Variants in BRAP observed in about 807,000 individuals in gnomAD.
The protein encoded by BRAP is BRCA1-associated protein.
In BRAP, 42 loss-of-function variants were observed where a neutral mutation model predicts 73.4. The observed-to-expected ratio is 0.57, with a 90% CI of 0.45 to 0.74. BRAP has a LOEUF of 0.74. BRAP is among the 30% of genes least tolerant of loss of function. BRAP has a pLI of 0.00. For synonymous variants in BRAP, 255 were observed against 267.4 expected, an observed-to-expected ratio of 0.95 and a Z score of 0.45; for missense variants, 593 against 751.4, an observed-to-expected ratio of 0.79 and a Z score of 2.46.
Position 111,679,175 on chromosome 12 carries a change from C to A in BRAP, c.609G>T (p.Met203Ile), listed in dbSNP as rs1306444451. The part of the protein sequence containing the change: ...IIRDSTPNQY[M>I]VLIKFRAQAD... ...CCTGTGCACGAAACTTTATCAGCAC[C>A]ATATATTGGTTGGGAGTAGAGTCTC... The change falls in exon 4 of 12, where the codon ATG (methionine) becomes ATT (isoleucine). Residue 203 changes from methionine to isoleucine, a missense_variant. Met to Ile is a conservative substitution (Grantham distance 10, BLOSUM62 1). Transcript: ENST00000419234. 3 of 1,581,914 alleles carry A rather than the reference C, an allele frequency of 1.9e-6. No homozygotes were observed. Among genetic ancestry groups the A allele is most frequent in the Non-Finnish European group, 1.7e-6 (2 of 1,163,668 alleles).
At chr12:111,674,262 A>G (rs1887291701) in intron 4 of BRAP, among the ~76,000 whole-genome samples, 1 of 150,042 alleles carries the variant, frequency 6.7e-6, no homozygotes, top group South Asian at 2.1e-4. Context: ...TTTTTTTTTG[A>G]GATGGTGTCT....
At chr12:111,653,478 C>T in intron 10 of BRAP, among the ~76,000 whole-genome samples, 1 of 152,124 alleles carries the variant, frequency 6.6e-6, no homozygotes, top group Non-Finnish European at 1.5e-5. Flanking sequence ...ACCATGTGTT[C>T]CTCATACATG....
chr12:111,657,602 G>A (rs955842692), intron 9 of BRAP, among the ~76,000 whole-genome samples: 12 of 152,088 alleles, frequency 7.9e-5, no homozygotes, highest in African/African-American at 1.4e-4. Flanking sequence ...ACTCGTGGCC[G>A]GGTACGGTGG....
Position 111,665,517 on chromosome 12 carries a change from G to C in BRAP, c.896+122C>G. 2 of 1,372,790 alleles carry C rather than the reference G, an allele frequency of 1.5e-6. No individual in the cohort carries two copies. Among genetic ancestry groups the C allele is most frequent in the Non-Finnish European group, 2.0e-6 (2 of 1,015,576 alleles). The allele number at this position is 1,372,790 out of a possible 1,614,324, so 85.0% of individuals were successfully genotyped here. ...TCCCTGAACTTAGGAAAGGGAAGGA[G>C]AAAAAGGACCTCTTGAATAAAGTCA... On this transcript the variant is annotated intron_variant, in intron 6 of 11. Coordinates refer to ENST00000419234, the MANE Select transcript of BRAP (RefSeq NM_006768.5). The surrounding 1 kb of genome is among the most constrained non-coding windows in gnomAD (Gnocchi z 4.3).
intron 1 of BRAP, chr12:111,685,499 A>G: frequency 2.5e-6 from 3 of 1,184,896 alleles, no homozygotes; most frequent in Non-Finnish European, 3.3e-6. Context: ...CAGACGGCAC[A>G]GGGAGGGAGG....
chr12:111,676,962 C>T (rs1312806466), intron 4 of BRAP, among the ~76,000 whole-genome samples: 1 of 152,128 alleles, frequency 6.6e-6, no homozygotes, highest in Non-Finnish European at 1.5e-5. Flanking sequence ...ACTCATGATA[C>T]CAAGATAAAG....
chr12:111,658,149 T>C (rs892494076), intron 9 of BRAP, among the ~76,000 whole-genome samples: 15 of 151,826 alleles, frequency 9.9e-5, no homozygotes, highest in African/African-American at 3.6e-4. Flanking sequence ...AGGTTGGTCT[T>C]GAACTCCTGA....
intron 4 of BRAP, among the ~76,000 whole-genome samples, chr12:111,677,320 G>C (rs78980768): frequency 2.0e-5 from 3 of 152,138 alleles, no homozygotes; most frequent in African/African-American, 7.2e-5. Context: ...AGTAGAAACT[G>C]TAACAATACT....
At chr12:111,671,086 T>A (rs1566123691) in intron 5 of BRAP, among the ~76,000 whole-genome samples, 2 of 149,094 alleles carry the variant, frequency 1.3e-5, no homozygotes, top group African/African-American at 5.0e-5. Context: ...GGTGACAGAG[T>A]GAGACTCATG....
At chr12:111,685,483 T>C in intron 1 of BRAP, 1 of 1,033,536 alleles carries the variant, frequency 9.7e-7, no homozygotes, top group South Asian at 2.5e-5. Context: ...ATAAACTAAA[T>C]GCCCTCAGAC....
At chr12:111,655,816 A>G (rs1483151312) in intron 9 of BRAP, among the ~76,000 whole-genome samples, 161 bp from the exon 10 acceptor site, 1 of 152,230 alleles carries the variant, frequency 6.6e-6, no homozygotes, top group Admixed American at 6.5e-5. Flanking sequence ...ATACTGGACC[A>G]GGGGACACAA....
At chr12:111,661,139 C>T (rs1036108562) in intron 6 of BRAP, among the ~76,000 whole-genome samples, 2 of 151,566 alleles carry the variant, frequency 1.3e-5, no homozygotes, top group Non-Finnish European at 2.9e-5. Flanking sequence ...ACCACCACAC[C>T]CAGCTAATTA....
chr12:111,656,056 A>G, intron 9 of BRAP, among the ~76,000 whole-genome samples: 1 of 152,200 alleles, frequency 6.6e-6, no homozygotes, highest in East Asian at 1.9e-4. Flanking sequence ...CACTGTGCCT[A>G]TCAGTAACAG....
At chr12:111,656,317 T>C (rs960503837) in intron 9 of BRAP, among the ~76,000 whole-genome samples, 7 of 152,310 alleles carry the variant, frequency 4.6e-5, no homozygotes, top group East Asian at 1.9e-4. Flanking sequence ...TGCTGACAGA[T>C]AGAAGAAGAA....
rs552693696 is a variant in BRAP at position 111,665,294 on chromosome 12, T to C, written c.896+345A>G. 3.9e-5 allele frequency among the ~76,000 whole-genome samples: 6 copies of C among 152,188 alleles called. No individual in the cohort carries two copies. In the South Asian group the frequency reaches 1.2e-3, roughly 32 times the overall value. ...CAGTTGATAAGAAGCCCAGAGTGAATGGCAGACACCAAGTGCAGCTGATAC... is the reference window on the plus strand; with the variant it reads ...CAGTTGATAAGAAGCCCAGAGTGAACGGCAGACACCAAGTGCAGCTGATAC... On this transcript the variant is annotated intron_variant, in intron 6 of 11. Coordinates refer to ENST00000419234, the MANE Select transcript of BRAP (RefSeq NM_006768.5). The surrounding 1 kb of genome is among the most constrained non-coding windows in gnomAD (Gnocchi z 4.3).
chr12:111,655,879 T>C (rs1264339651), intron 9 of BRAP, among the ~76,000 whole-genome samples: 1 of 152,194 alleles, frequency 6.6e-6, no homozygotes, highest in Non-Finnish European at 1.5e-5. Context: ...AGAATAAATG[T>C]ACTTATAAAA....
intron 11 of BRAP, 113 bp from the exon 12 acceptor site, chr12:111,644,675 C>T: frequency 6.9e-7 from 1 of 1,445,974 alleles, no homozygotes; most frequent in Non-Finnish European, 9.3e-7. Flanking sequence ...TTAGGACAGA[C>T]CCCTTTCTCC....
rs745860025 is a variant in BRAP, at chr12:111,655,591, C to T, written c.1286G>A (p.Arg429Gln). ...QRIYWENKIVRIEKDTAEEIN... is the reference protein window; with the variant it reads ...QRIYWENKIVQIEKDTAEEIN... ...TTCCTCTGCTGTGTCCTTCTCTATC[C>T]GAACTATCTTGTTTTCCCAGTAGAT... is the stretch of plus-strand genomic sequence containing the variant. Residue 429 changes from arginine (R) to glutamine (Q), a missense_variant, in exon 10 of 12, where the codon CGG becomes CAG. By Grantham distance (43) the Arg-to-Gln change is conservative (BLOSUM62 1). Coordinates refer to ENST00000419234, the MANE Select transcript of BRAP (RefSeq NM_006768.5). 5 of 1,613,614 alleles carry T rather than the reference C, an allele frequency of 3.1e-6. No individual in the cohort carries two copies. The highest frequency in any genetic ancestry group is 1.7e-5 in the Admixed American group (1 of 60,004).
At position 111,683,273 on chromosome 12, in the gene BRAP, C is replaced by G; in HGVS notation, c.117G>C (p.Thr39=). The change falls in exon 2 of 12, where the codon ACG becomes ACC. Residue 39 remains threonine (T), a synonymous_variant. Coordinates refer to ENST00000419234, the MANE Select transcript of BRAP (RefSeq NM_006768.5). ...AACAGGCTACAGCTGAGGCTAGTGT[C>G]GTCTTTTTTATCTCCTCATCAGACA... The part of the protein sequence containing the change: ...GEMSDEEIKK[T]TLASAVACLE... 6.2e-7 allele frequency: 1 copy of G among 1,612,570 alleles called. No individual in the cohort carries two copies. Among genetic ancestry groups the G allele is most frequent in the Non-Finnish European group, 8.5e-7 (1 of 1,179,630 alleles).
Sources: gnomAD v4.1 joint callset for allele counts (sites outside exome capture counted in the v4.1 genomes callset) on GRCh38, gnomAD v4.1.1 for gene constraint, Gnocchi (gnomAD v3.1) non-coding constraint, MANE v1.5 for transcripts, NCBI Gene and HGNC (gene_info 2026-07-23, HGNC 2026-07-21) for gene names.